The following ONECUT2 variants were observed in gnomAD, a reference collection of about 807,000 sequenced individuals.
ONECUT2 encodes the protein one cut homeobox 2.
ONECUT2 carries 10 observed loss-of-function variants against 27.9 expected under a neutral mutation model. The ratio of observed to expected loss-of-function variants is 0.36; its 90% CI spans 0.22 to 0.61. The LOEUF is 0.61. Ranked by LOEUF, ONECUT2 falls within the 20% of genes least tolerant of loss-of-function variation. The pLI is 0.73. For missense variants in ONECUT2, 686 were observed against 721.0 expected, an observed-to-expected ratio of 0.95 and a Z score of 0.56; for synonymous variants, 334 against 315.1, an observed-to-expected ratio of 1.06 and a Z score of -0.64.
At chr18:57,438,174 C>A (rs979769115) in intron 1 of ONECUT2, among the ~76,000 whole-genome samples, 2 of 152,244 alleles carry the variant, frequency 1.3e-5, no homozygotes, top group Admixed American at 1.3e-4. Context: ...ACGGACCCCG[C>A]GCGGTGTGCG....
chr18:57,446,577 C>G (rs2050201446), intron 1 of ONECUT2, among the ~76,000 whole-genome samples: 1 of 152,164 alleles, frequency 6.6e-6, no homozygotes, highest in Admixed American at 6.5e-5. Flanking sequence ...CCTGCACCTT[C>G]CACAAGGTCC....
Position 57,436,225 on chromosome 18 carries a change from C to T in ONECUT2, c.509C>T (p.Pro170Leu), listed in dbSNP as rs778610599. Reference sequence around the variant, plus strand: ...ACCGTGTCTGACAAGTTCCACCACCCTCACCCGCACCACCATCCGCACCAC... The same window carrying T: ...ACCGTGTCTGACAAGTTCCACCACCTTCACCCGCACCACCATCCGCACCAC... ...ISTVSDKFHHPHPHHHPHHHH... is the reference protein window; with the variant it reads ...ISTVSDKFHHLHPHHHPHHHH... The change falls in exon 1 of 2, where the codon CCT (proline) becomes CTT (leucine). Residue 170 changes from proline (P) to leucine (L), a missense_variant. Physicochemically the swap from Pro to Leu is moderately conservative, Grantham distance 98 (BLOSUM62 -3). Around this residue, in one of 4 missense-constraint regions of ONECUT2, gnomAD observed 511 missense variants for 488.1 expected, o/e 1.05. Coordinates refer to ENST00000491143, the MANE Select transcript of ONECUT2 (RefSeq NM_004852.3). The surrounding 1 kb of genome is among the most constrained non-coding windows in gnomAD (Gnocchi z 5.9). 6.2e-7 allele frequency: 1 copy of T among 1,603,948 alleles called. No homozygotes were observed.
At chr18:57,447,571 G>A (rs547559548) in intron 1 of ONECUT2, among the ~76,000 whole-genome samples, 20 of 152,280 alleles carry the variant, frequency 1.3e-4, no homozygotes, top group African/African-American at 3.9e-4. Context: ...GGGGGCGGGG[G>A]ATTGAACTAT....
intron 1 of ONECUT2, among the ~76,000 whole-genome samples, chr18:57,450,154 T>A (rs769226517): frequency 3.9e-5 from 6 of 152,164 alleles, no homozygotes; most frequent in African/African-American, 7.2e-5. Flanking sequence ...TAGCTTCTTC[T>A]CTCAAAAGGG....
At position 57,479,435 on chromosome 18, in the gene ONECUT2, C is replaced by T. The variant is rs1231290115; in HGVS notation, c.*2712C>T. ...ATTCATGTCTTGTTTTGGTCCAGTG[C>T]TTCATTTGCTAAGTATTCGGTTCAG... On this transcript the variant is annotated 3_prime_UTR_variant, in exon 2 of 2. Transcript: ENST00000491143. The T allele has an allele frequency of 6.6e-6, 1 of 152,498 alleles. No homozygotes were observed. Among genetic ancestry groups the T allele is most frequent in the Non-Finnish European group, 1.5e-5 (1 of 68,032 alleles). The allele number at this position is 152,498 out of a possible 1,614,324, so 9.4% of individuals were successfully genotyped here.
intron 1 of ONECUT2, among the ~76,000 whole-genome samples, chr18:57,469,175 C>T (rs928520032): frequency 6.6e-6 from 1 of 152,208 alleles, no homozygotes; most frequent in Non-Finnish European, 1.5e-5. Context: ...GGAGAGTGCC[C>T]TCCTTAGTGG....
In ONECUT2 at chr18:57,490,757, T is replaced by G. The variant is rs655313; in HGVS notation, c.*14034T>G. On this transcript the variant is annotated 3_prime_UTR_variant, in exon 2 of 2. Coordinates refer to ENST00000491143, the MANE Select transcript of ONECUT2 (RefSeq NM_004852.3). ...TGTTTTATTTTCTTGCTTTCACGGG[T>G]ATTATTGCCAAGAAAATCGTAGGGA... 46,634 of 151,834 alleles carry G rather than the reference T, an allele frequency of 0.31. 7,386 individuals are homozygous for G. The highest frequency in any genetic ancestry group is 0.38 in the African/African-American group (15,910 of 41,334). 9.4% of individuals were successfully genotyped at this position (151,834 alleles called of 1,614,324 possible).
rs887371453 is a variant in ONECUT2, at chr18:57,488,798, A to G, written c.*12075A>G. On this transcript the variant is annotated 3_prime_UTR_variant, in exon 2 of 2. Coordinates refer to ENST00000491143, the MANE Select transcript of ONECUT2 (RefSeq NM_004852.3). ...TGGGGAAACATGGGCCTGGCCTGGG[A>G]AAAGGCAGGTCATGGGCTGGAAGGT... The G allele has an allele frequency of 3.3e-5, 5 of 152,528 alleles. No homozygotes were observed. The highest frequency in any genetic ancestry group is 3.3e-4 in the Admixed American group (5 of 15,266). The allele number at this position is 152,528 out of a possible 1,614,324, so 9.4% of individuals were successfully genotyped here. A position where few individuals can be genotyped will look rare whatever the true frequency, so the allele number is the denominator to read the frequency against.
In ONECUT2 at chr18:57,490,667, C is replaced by T. The variant is rs946686629; in HGVS notation, c.*13944C>T. 1.4e-4 allele frequency: 21 copies of T among 152,154 alleles called. No homozygotes were observed. Among genetic ancestry groups the T allele is most frequent in the African/African-American group, 4.6e-4 (19 of 41,430 alleles). 9.4% of individuals were successfully genotyped at this position (152,154 alleles called of 1,614,324 possible). On this transcript the variant is annotated 3_prime_UTR_variant, in exon 2 of 2. Transcript: ENST00000491143. ...TCAGTCCTTTGTGGAAACCCAACTACCTTTTAAAAGTCTCTTTCCAGATTC... is the reference window on the plus strand; with the variant it reads ...TCAGTCCTTTGTGGAAACCCAACTATCTTTTAAAAGTCTCTTTCCAGATTC...
chr18:57,442,504 A>T (rs900059163), intron 1 of ONECUT2, among the ~76,000 whole-genome samples: 1 of 152,118 alleles, frequency 6.6e-6, no homozygotes, highest in East Asian at 1.9e-4. Flanking sequence ...TTGGTACACC[A>T]CCTTGGTTCC....
In ONECUT2 at chr18:57,489,485, C is replaced by T. The variant is rs1173782313; in HGVS notation, c.*12762C>T. The T allele has an allele frequency of 1.3e-5, 2 of 152,086 alleles. No individual in the cohort carries two copies. The highest frequency in any genetic ancestry group is 1.3e-4 in the Admixed American group (2 of 15,254). The allele number at this position is 152,086 out of a possible 1,614,324, so 9.4% of individuals were successfully genotyped here. A position where few individuals can be genotyped will look rare whatever the true frequency, so the allele number is the denominator to read the frequency against. ...TATTGCCCCAGCCAAAAACATGGCCCATCAATGCCTACTTTATCTCTGCTT... is the reference window on the plus strand; with the variant it reads ...TATTGCCCCAGCCAAAAACATGGCCTATCAATGCCTACTTTATCTCTGCTT... On this transcript the variant is annotated 3_prime_UTR_variant, in exon 2 of 2. Coordinates refer to ENST00000491143, the MANE Select transcript of ONECUT2 (RefSeq NM_004852.3).
chr18:57,452,155 C>T (rs1190563741), intron 1 of ONECUT2, among the ~76,000 whole-genome samples: 2 of 152,040 alleles, frequency 1.3e-5, no homozygotes, highest in Non-Finnish European at 2.9e-5. Context: ...AAACCTATGC[C>T]CACCTGGACA....
chr18:57,476,365 G>C, intron 1 of ONECUT2, 72 bp from the exon 2 acceptor site: 1 of 1,498,310 alleles, frequency 6.7e-7, no homozygotes, highest in Non-Finnish European at 9.1e-7. Flanking sequence ...GTACAACTTT[G>C]TCAATGTTTT....
chr18:57,456,023 A>T (rs1317231615), intron 1 of ONECUT2, among the ~76,000 whole-genome samples: 1 of 152,222 alleles, frequency 6.6e-6, no homozygotes, highest in Non-Finnish European at 1.5e-5. Flanking sequence ...TTCCAACTGA[A>T]AGTTTATTTG....
At chr18:57,458,187 T>A (rs1490340989) in intron 1 of ONECUT2, among the ~76,000 whole-genome samples, 2 of 152,250 alleles carry the variant, frequency 1.3e-5, no homozygotes, top group Non-Finnish European at 2.9e-5. Flanking sequence ...AAAATTATTT[T>A]TAATTATTTA....
chr18:57,458,164 T>C (rs908219963), intron 1 of ONECUT2, among the ~76,000 whole-genome samples: 1 of 152,230 alleles, frequency 6.6e-6, no homozygotes, highest in Non-Finnish European at 1.5e-5. Flanking sequence ...CACATTAATA[T>C]TTTGCTTTTA....
chr18:57,459,425 G>T (rs2050277761), intron 1 of ONECUT2, among the ~76,000 whole-genome samples: 2 of 152,082 alleles, frequency 1.3e-5, no homozygotes, highest in African/African-American at 4.8e-5. Flanking sequence ...GAGCTCCCAG[G>T]TATATAAAGC....
chr18:57,440,831 G>A (rs1183313558), intron 1 of ONECUT2, among the ~76,000 whole-genome samples: 1 of 152,210 alleles, frequency 6.6e-6, no homozygotes, highest in Non-Finnish European at 1.5e-5. Context: ...CGCTGCTAGG[G>A]CTCCCGACTC....
chr18:57,450,388 G>C (rs1462240297), intron 1 of ONECUT2, among the ~76,000 whole-genome samples: 2 of 152,080 alleles, frequency 1.3e-5, no homozygotes, highest in African/African-American at 4.8e-5. Context: ...TGGCCAGGCT[G>C]GTCTCAAACT....
Sources: allele counts gnomAD v4.1 joint callset (sites outside exome capture counted in the v4.1 genomes callset), GRCh38; gene constraint gnomAD v4.1.1; regional missense constraint gnomAD v4.1.1; non-coding constraint Gnocchi (gnomAD v3.1); transcripts MANE v1.5; gene names NCBI Gene and HGNC (gene_info 2026-07-23, HGNC 2026-07-21).